Variants in RNASET2 observed in about 807,000 individuals in gnomAD.
RNASET2 encodes ribonuclease T2.
In RNASET2, 28 loss-of-function variants were observed where a neutral mutation model predicts 33.9. The observed-to-expected ratio is 0.83, with a 90% CI of 0.61 to 1.13. RNASET2 has a LOEUF of 1.13. Among genes scored for constraint, RNASET2 ranks in the 50% most tolerant of loss-of-function variants. The pLI is 0.00. For missense variants in RNASET2, 330 were observed against 319.9 expected, an observed-to-expected ratio of 1.03 and a Z score of -0.24; for synonymous variants, 123 against 121.0, an observed-to-expected ratio of 1.02 and a Z score of -0.11.
rs1394194939 is a variant in RNASET2, at chr6:166,926,316, T to A, written c.*3272A>T. Among the ~76,000 whole-genome samples, 2 of 151,426 alleles carry A rather than the reference T, an allele frequency of 1.3e-5. No homozygotes were observed. Among genetic ancestry groups the A allele is most frequent in the Non-Finnish European group, 2.9e-5 (2 of 67,912 alleles). The stretch of plus-strand genomic sequence containing the variant: ...ACTCTGGGAGGCTGAGGCAGGCAGA[T>A]CACCTGAGGTCAGGAGTTCCAGACC... On this transcript the variant is annotated 3_prime_UTR_variant, in exon 9 of 9. Transcript: ENST00000508775.
chr6:166,956,360 A>G lies in RNASET2; in HGVS notation c.-178T>C. 1 of 603,108 alleles carries G rather than the reference A, an allele frequency of 1.7e-6. No individual in the cohort carries two copies. The highest frequency in any genetic ancestry group is 2.9e-6 in the Non-Finnish European group (1 of 340,928). 37.4% of individuals were successfully genotyped at this position (603,108 alleles called of 1,614,324 possible). The stretch of plus-strand genomic sequence containing the variant: ...GAGCCCTGGGACGGCCTAAACCAGT[A>G]TCTCGCGGGCCCCGCGCCGGGCTCC... On this transcript the variant is annotated 5_prime_UTR_variant, in exon 1 of 9. Coordinates refer to ENST00000508775, the MANE Select transcript of RNASET2 (RefSeq NM_003730.6).
At chr6:166,940,143 C>A (rs1419418593) in intron 5 of RNASET2, among the ~76,000 whole-genome samples, 1 of 152,142 alleles carries the variant, frequency 6.6e-6, no homozygotes, top group Non-Finnish European at 1.5e-5. Flanking sequence ...GAATGACTGG[C>A]GTGTCATCAG....
intron 1 of RNASET2, chr6:166,955,339 A>C (rs1363190091): frequency 1.5e-5 from 2 of 134,412 alleles, no homozygotes; most frequent in South Asian, 4.8e-4. Flanking sequence ...ACGCACGCAC[A>C]CGCACACGCA....
chr6:166,929,470 C>T lies in RNASET2; in HGVS notation c.*118G>A. ...TACAGGGACCACAACATCCAATTCA[C>T]AGGCATGGAGGGGAAACAGCAAAAT... On this transcript the variant is annotated 3_prime_UTR_variant, in exon 9 of 9. Coordinates refer to ENST00000508775, the MANE Select transcript of RNASET2 (RefSeq NM_003730.6). 1 of 1,065,616 alleles carries T rather than the reference C, an allele frequency of 9.4e-7. No homozygotes were observed. Among genetic ancestry groups the T allele is most frequent in the Non-Finnish European group, 1.4e-6 (1 of 692,544 alleles). The allele number at this position is 1,065,616 out of a possible 1,614,324, so 66.0% of individuals were successfully genotyped here. A position where few individuals can be genotyped will look rare whatever the true frequency, so the allele number is the denominator to read the frequency against.
rs1778298847 is a variant in RNASET2 at position 166,925,979 on chromosome 6, TTGG to T, written c.*3606_*3608del. On this transcript the variant is annotated 3_prime_UTR_variant, in exon 9 of 9. Coordinates refer to ENST00000508775, the MANE Select transcript of RNASET2 (RefSeq NM_003730.6). Reference sequence around the variant, plus strand: ...GTGATCTGGGAGCAGAGAGCCATGGTTGGTTACGGAGAGTGGCACAAACACGGT... The same window carrying T: ...GTGATCTGGGAGCAGAGAGCCATGGTTTACGGAGAGTGGCACAAACACGGT... Among the ~76,000 whole-genome samples, 1 of 151,948 alleles carries T rather than the reference TTGG, an allele frequency of 6.6e-6. No individual in the cohort carries two copies. Among genetic ancestry groups the T allele is most frequent in the South Asian group, 2.1e-4 (1 of 4,808 alleles).
Position 166,925,240 on chromosome 6 carries a change from A to G in RNASET2, c.*4348T>C, listed in dbSNP as rs980251652. On this transcript the variant is annotated 3_prime_UTR_variant, in exon 9 of 9. Transcript: ENST00000508775. ...AGGCATCACCCTTGCTGTCCAGCCG[A>G]CACCTACGATGCGCAGTCCATGTCT... Among the ~76,000 whole-genome samples, 2 of 140,866 alleles carry G rather than the reference A, an allele frequency of 1.4e-5. No homozygotes were observed. The highest frequency in any genetic ancestry group is 3.1e-5 in the Non-Finnish European group (2 of 65,182). 92.4% of individuals were successfully genotyped at this position (140,866 alleles called of 152,430 possible). A position where few individuals can be genotyped will look rare whatever the true frequency, so the allele number is the denominator to read the frequency against.
intron 2 of RNASET2, among the ~76,000 whole-genome samples, chr6:166,950,817 G>A (rs1778966418): frequency 1.3e-5 from 2 of 152,264 alleles, no homozygotes; most frequent in African/African-American, 4.8e-5. Context: ...AGGCAGGGAA[G>A]CTCTTGGGTC....
At chr6:166,936,942 G>A (rs1778584057) in intron 6 of RNASET2, among the ~76,000 whole-genome samples, 1 of 152,172 alleles carries the variant, frequency 6.6e-6, no homozygotes, top group Admixed American at 6.5e-5. Flanking sequence ...GGTTTATGGA[G>A]TCAGCCTGGA....
chr6:166,930,084 A>C lies in RNASET2; in HGVS notation c.568-293T>G, dbSNP rs1308691677. ...GCCCTGGTGAAAAGCCTCTGCTTTTATGTTAGAGAAAATTAACAAAGTTAC... is the reference window on the plus strand; with the variant it reads ...GCCCTGGTGAAAAGCCTCTGCTTTTCTGTTAGAGAAAATTAACAAAGTTAC... On this transcript the variant is annotated intron_variant, in intron 8 of 8. Coordinates refer to ENST00000508775, the MANE Select transcript of RNASET2 (RefSeq NM_003730.6). 2.0e-5 allele frequency among the ~76,000 whole-genome samples: 3 copies of C among 152,246 alleles called. 1 individual carries two copies. The highest frequency in any genetic ancestry group is 3.8e-4 in the East Asian group (2 of 5,200).
chr6:166,942,916 C>T (rs904603324), intron 5 of RNASET2, 103 bp downstream of exon 5: 2 of 921,688 alleles, frequency 2.2e-6, no homozygotes, highest in East Asian at 5.1e-5. Context: ...AAGACAGATT[C>T]TGTTATCTTG....
In RNASET2 at chr6:166,928,636, C is replaced by A. The variant is rs372735455; in HGVS notation, c.*952G>T. Among the ~76,000 whole-genome samples, 10 of 152,244 alleles carry A rather than the reference C, an allele frequency of 6.6e-5. No homozygotes were observed. The highest frequency in any genetic ancestry group is 2.4e-4 in the African/African-American group (10 of 41,540). ...TAAAGAGAGAAGAGGCCAGGAGACG[C>A]GGGAGAAGACAATGCTAACAGGTTG... On this transcript the variant is annotated 3_prime_UTR_variant, in exon 9 of 9. Coordinates refer to ENST00000508775, the MANE Select transcript of RNASET2 (RefSeq NM_003730.6).
At chr6:166,935,739 G>A (rs1429947296) in intron 6 of RNASET2, among the ~76,000 whole-genome samples, 17 of 152,150 alleles carry the variant, frequency 1.1e-4, no homozygotes, top group Admixed American at 5.2e-4. Flanking sequence ...CTGCAGTGGT[G>A]CGATCTCGAC....
chr6:166,940,273 T>C (rs1286169127), intron 5 of RNASET2, among the ~76,000 whole-genome samples: 2 of 152,252 alleles, frequency 1.3e-5, no homozygotes, highest in Admixed American at 1.3e-4. Flanking sequence ...AAAGCACTTA[T>C]ATGCAGTCTT....
rs999065052 is a variant in RNASET2, at chr6:166,924,720, A to G, written c.*4868T>C. Among the ~76,000 whole-genome samples the G allele has an allele frequency of 6.6e-6, 1 of 152,158 alleles. No homozygotes were observed. Among genetic ancestry groups the G allele is most frequent in the Non-Finnish European group, 1.5e-5 (1 of 68,016 alleles). On this transcript the variant is annotated 3_prime_UTR_variant, in exon 9 of 9. Transcript: ENST00000508775. ...TGTTGCCCTGCACTTTGGGAGGCTGAGGCAGGTGGATCACCCGAGGTCGGG... is the reference window on the plus strand; with the variant it reads ...TGTTGCCCTGCACTTTGGGAGGCTGGGGCAGGTGGATCACCCGAGGTCGGG...
chr6:166,929,742 T>G lies in RNASET2; in HGVS notation c.617A>C (p.Gln206Pro). 6.2e-7 allele frequency: 1 copy of G among 1,614,186 alleles called. No homozygotes were observed. The highest frequency in any genetic ancestry group is 8.5e-7 in the Non-Finnish European group (1 of 1,180,036). The change falls in exon 9 of 9, where the codon CAA (glutamine) becomes CCA (proline). Residue 206 changes from glutamine to proline, a missense_variant. Transcript: ENST00000508775. ...GGTGCAGTTTTGCAGCTGCTGGTCT[T>G]GCTTAGTGAGGCACAGTTCTATCTG... is the stretch of plus-strand genomic sequence containing the variant. ...IGQIELCLTK[Q>P]DQQLQNCTEP...
At chr6:166,951,909 A>G (rs1424107374) in intron 2 of RNASET2, among the ~76,000 whole-genome samples, 6 of 152,186 alleles carry the variant, frequency 3.9e-5, no homozygotes, top group Non-Finnish European at 8.8e-5. Flanking sequence ...GTGTCCTCCC[A>G]GAAGATATAT....
intron 5 of RNASET2, among the ~76,000 whole-genome samples, chr6:166,941,337 C>G (rs2128645514): frequency 6.6e-6 from 1 of 152,264 alleles, no homozygotes; most frequent in Non-Finnish European, 1.5e-5. Flanking sequence ...TATTTTAAGC[C>G]ATTTAGCTAA....
At chr6:166,938,202 C>T (rs2128645106) in intron 6 of RNASET2, among the ~76,000 whole-genome samples, 1 of 152,256 alleles carries the variant, frequency 6.6e-6, no homozygotes, top group East Asian at 1.9e-4. Context: ...TTTATTATGA[C>T]CTCTTATGAT....
At chr6:166,934,064 G>A (rs755860620) in intron 7 of RNASET2, 27 bp downstream of exon 7, 5 of 1,589,346 alleles carry the variant, frequency 3.1e-6, no homozygotes, top group South Asian at 2.2e-5. Context: ...AGAGACACAC[G>A]AGAAAAGAAG....
Sources: allele counts gnomAD v4.1 joint callset (sites outside exome capture counted in the v4.1 genomes callset), GRCh38; gene constraint gnomAD v4.1.1; transcripts MANE v1.5; gene names NCBI Gene and HGNC (gene_info 2026-07-23, HGNC 2026-07-21).